The following ENO4 variants were observed in gnomAD, a reference collection of about 807,000 sequenced individuals.
The protein encoded by ENO4 is enolase 4.
ENO4 carries 53 observed loss-of-function variants against 63.2 expected under a neutral mutation model. The ratio of observed to expected loss-of-function variants is 0.84; its 90% CI spans 0.67 to 1.05. The LOEUF (loss-of-function observed/expected upper bound fraction) is 1.05. Among genes scored for constraint, ENO4 ranks in the 50% least tolerant of loss-of-function variants. The probability of loss-of-function intolerance (pLI) is 0.00; values close to 1 mark genes in which losing one functional copy is unlikely to be tolerated. For synonymous variants in ENO4, 266 were observed against 283.8 expected, an observed-to-expected ratio of 0.94 and a Z score of 0.63; for missense variants, 719 against 772.0, an observed-to-expected ratio of 0.93 and a Z score of 0.81.
rs183734752 is a variant in ENO4 at position 116,871,066 on chromosome 10, A to G, written c.1048-59A>G. The G allele has an allele frequency of 6.9e-6, 10 of 1,439,204 alleles. No individual in the cohort carries two copies. In the Admixed American group the frequency reaches 2.0e-4, roughly 29 times the overall value. The allele number at this position is 1,439,204 out of a possible 1,614,324, so 89.2% of individuals were successfully genotyped here. A position where few individuals can be genotyped will look rare whatever the true frequency, so the allele number is the denominator to read the frequency against. On this transcript the variant is annotated intron_variant, in intron 8 of 13. Transcript: ENST00000341276. ...GATCATAAACCATGCTTATCACAGGAAGCGCCAAGAACCTTAATGTGCTGT... is the reference window on the plus strand; with the variant it reads ...GATCATAAACCATGCTTATCACAGGGAGCGCCAAGAACCTTAATGTGCTGT...
intron 8 of ENO4, among the ~76,000 whole-genome samples, chr10:116,870,663 TCTC>T (rs150799876): frequency 0.035 from 5,363 of 151,924 alleles, 172 homozygotes; most frequent in Non-Finnish European, 0.047. Flanking sequence ...AAATGAAACT[TCTC>T]CTGAAGGAGG....
At chr10:116,892,221 A>G (rs1454572336) in intron 10 of ENO4, among the ~76,000 whole-genome samples, 2 of 152,142 alleles carry the variant, frequency 1.3e-5, no homozygotes, top group East Asian at 1.9e-4. Context: ...ACCTTGTAGG[A>G]TATTATCTTA....
intron 10 of ENO4, chr10:116,906,861 A>G: frequency 1.2e-6 from 1 of 854,620 alleles, no homozygotes; most frequent in East Asian, 2.9e-5. Flanking sequence ...ATTATGAAAC[A>G]AAATGAATTT....
rs753536894 is a variant in ENO4, at chr10:116,856,541, C to A, written c.344C>A (p.Ala115Asp). ...ACTCATTTTGAAGTCCATGAGAATG[C>A]TCTGCCCGAGCTGGCCAAGGCGGAG... The part of the protein sequence containing the change: ...ISTHFEVHEN[A>D]LPELAKAEEA... The change falls in exon 3 of 14, where the codon GCT becomes GAT. Residue 115 changes from alanine (A) to aspartate (D), a missense_variant. Coordinates refer to ENST00000341276, the MANE Select transcript of ENO4 (RefSeq NM_001242699.2). 1 of 1,536,132 alleles carries A rather than the reference C, an allele frequency of 6.5e-7. No individual in the cohort carries two copies. Among genetic ancestry groups the A allele is most frequent in the Non-Finnish European group, 8.7e-7 (1 of 1,146,920 alleles).
At chr10:116,888,411 TGA>T (rs372590538) in intron 10 of ENO4, among the ~76,000 whole-genome samples, 103 of 152,320 alleles carry the variant, frequency 6.8e-4, no homozygotes, top group African/African-American at 2.3e-3. Flanking sequence ...CCTTAGGGAA[TGA>T]GAGGCACTAG....
In ENO4 at chr10:116,897,764, C is replaced by T. The variant is rs562732658; in HGVS notation, c.1195-13735C>T. Among the ~76,000 whole-genome samples the T allele has an allele frequency of 2.8e-3, 427 of 152,274 alleles. 1 individual carries two copies. The highest frequency in any genetic ancestry group is 3.5e-3 in the Admixed American group (53 of 15,298). On this transcript the variant is annotated intron_variant, in intron 10 of 10. Transcript: ENST00000369207. ...TTTCCCAGGGTCACAAATATCTAAACGGCAGACCCAGGATCTGAACCCTAC... is the reference window on the plus strand; with the variant it reads ...TTTCCCAGGGTCACAAATATCTAAATGGCAGACCCAGGATCTGAACCCTAC...
intron 3 of ENO4, 147 bp from the exon 4 acceptor site, chr10:116,858,843 C>T (rs753278411): frequency 1.7e-5 from 8 of 457,796 alleles, no homozygotes; most frequent in Non-Finnish European, 3.0e-5. Flanking sequence ...TGTTTACTGG[C>T]TTTGAAAATT....
At chr10:116,881,278 G>A (rs527424251) in intron 13 of ENO4, among the ~76,000 whole-genome samples, 3 of 152,230 alleles carry the variant, frequency 2.0e-5, no homozygotes, top group East Asian at 1.9e-4. Context: ...TCCATGATGC[G>A]TCATCAGATG....
chr10:116,911,729 T>A, exon 11 of ENO4: 2 of 1,578,030 alleles, frequency 1.3e-6, no homozygotes, highest in Non-Finnish European at 1.7e-6. Context: ...AAAAACAGAT[T>A]TTAAAATACT....
intron 9 of ENO4, among the ~76,000 whole-genome samples, chr10:116,873,064 T>C (rs900017539): frequency 2.0e-5 from 3 of 152,256 alleles, no homozygotes; most frequent in African/African-American, 7.2e-5. Flanking sequence ...TGGGTATTTA[T>C]TGCTTATATT....
At chr10:116,865,431 C>T (rs575863740) in intron 7 of ENO4, among the ~76,000 whole-genome samples, 44 of 152,192 alleles carry the variant, frequency 2.9e-4, no homozygotes, top group African/African-American at 8.9e-4. Context: ...GTGATCCGCC[C>T]GCCTCGGCCT....
intron 12 of ENO4, 38 bp from the exon 13 acceptor site, chr10:116,879,831 G>A (rs1297600028): frequency 7.0e-7 from 1 of 1,438,780 alleles, no homozygotes; most frequent in South Asian, 1.2e-5. Context: ...GCAAGACATG[G>A]CTCCTCCGTC....
chr10:116,879,196 T>G lies in ENO4; in HGVS notation c.1538-95T>G, dbSNP rs964348558. 16 of 848,464 alleles carry G rather than the reference T, an allele frequency of 1.9e-5. No homozygotes were observed. In the Admixed American group the frequency reaches 4.8e-4, roughly 25 times the overall value. The allele number at this position is 848,464 out of a possible 1,614,324, so 52.6% of individuals were successfully genotyped here. ...AAATAATTGACTCTTCACAGGGAAG[T>G]TTTAAATCTGAGAAATTTTAAATTT... is the stretch of plus-strand genomic sequence containing the variant. On this transcript the variant is annotated intron_variant, in intron 11 of 13. Transcript: ENST00000341276.
rs1019974944 is a variant in ENO4 at position 116,865,001 on chromosome 10, T to C, written c.990+2149T>C. ...CACCACTGTACTCCAGCCTGGGCAA[T>C]AGAGTGAGACTCCGTCTCGGGGGGA... On this transcript the variant is annotated intron_variant, in intron 7 of 13. Coordinates refer to ENST00000341276, the MANE Select transcript of ENO4 (RefSeq NM_001242699.2). Among the ~76,000 whole-genome samples, 12 of 151,356 alleles carry C rather than the reference T, an allele frequency of 7.9e-5. 1 individual carries two copies. Among genetic ancestry groups the C allele is most frequent in the Non-Finnish European group, 1.3e-4 (9 of 67,826 alleles).
intron 6 of ENO4, 122 bp downstream of exon 6, chr10:116,861,312 T>A: frequency 3.4e-6 from 1 of 292,872 alleles, no homozygotes. Flanking sequence ...AGAAAAAAAA[T>A]ATTTTAGGAA....
Position 116,874,614 on chromosome 10 carries a change from T to C in ENO4, c.1341+413T>C, listed in dbSNP as rs151073854. Among the ~76,000 whole-genome samples the C allele has an allele frequency of 4.7e-3, 716 of 152,256 alleles. 4 individuals carry two copies. The highest frequency in any genetic ancestry group is 0.013 in the African/African-American group (557 of 41,546). On this transcript the variant is annotated intron_variant, in intron 10 of 13. Coordinates refer to ENST00000341276, the MANE Select transcript of ENO4 (RefSeq NM_001242699.2). The stretch of plus-strand genomic sequence containing the variant: ...TGTGCTCAGGGGAACAGGACTTCTA[T>C]AAGGCCAAATATTTTTCAACCTAAA...
chr10:116,886,258 T>A, downstream of ENO4: 2 of 1,523,928 alleles, frequency 1.3e-6, no homozygotes, highest in South Asian at 2.5e-5. Flanking sequence ...CAGAGCAGAA[T>A]GTCTACAGCC....
chr10:116,861,256 T>C (rs1394898162), intron 6 of ENO4, 66 bp downstream of exon 6: 11 of 405,248 alleles, frequency 2.7e-5, no homozygotes, highest in Admixed American at 5.4e-5. Flanking sequence ...TATATATATA[T>C]ACTCCGTCAT....
intron 1 of ENO4, chr10:116,850,216 C>T: frequency 4.5e-6 from 1 of 223,412 alleles, no homozygotes; most frequent in Non-Finnish European, 9.1e-6. Flanking sequence ...GGCTCCTCTG[C>T]CGGGATGCCA....
Sources: gnomAD v4.1 joint callset for allele counts (sites outside exome capture counted in the v4.1 genomes callset) on GRCh38, gnomAD v4.1.1 for gene constraint, MANE v1.5 for transcripts, NCBI Gene and HGNC (gene_info 2026-07-23, HGNC 2026-07-21) for gene names.